Variants in SLC1A6 observed in about 807,000 individuals in gnomAD.
SLC1A6 encodes solute carrier family 1 member 6, also known as excitatory amino acid transporter 4.
SLC1A6 carries 15 observed loss-of-function variants against 42.1 expected under a neutral mutation model. The observed-to-expected ratio is 0.36, with a 90% CI of 0.24 to 0.55. The LOEUF (loss-of-function observed/expected upper bound fraction) is 0.55. SLC1A6 is among the 20% of genes least tolerant of loss of function. SLC1A6 has a pLI of 0.88. For missense variants in SLC1A6, 542 were observed against 772.5 expected (o/e 0.70, Z 3.54); for synonymous variants, 317 against 319.7 (o/e 0.99, Z 0.09).
At chr19:14,965,628 T>A (rs1485233525) in intron 4 of SLC1A6, among the ~76,000 whole-genome samples, 1 of 152,068 alleles carries the variant, frequency 6.6e-6, no homozygotes, top group Non-Finnish European at 1.5e-5. Context: ...GATGAGTGGA[T>A]CACTCGAGGC....
At chr19:14,999,246 T>C (rs1010526513) in intron 1 of SLC1A6, among the ~76,000 whole-genome samples, 2 of 152,176 alleles carry the variant, frequency 1.3e-5, no homozygotes, top group Non-Finnish European at 2.9e-5. Context: ...AATAAGAACC[T>C]TGGTCTCCAC....
intron 8 of SLC1A6, among the ~76,000 whole-genome samples, 152 bp downstream of exon 8, chr19:14,953,982 TC>T (rs2145165203): frequency 6.6e-6 from 1 of 152,248 alleles, no homozygotes; most frequent in Admixed American, 6.5e-5. Context: ...ACCTACCTCA[TC>T]CGGCATTGGG....
At chr19:14,994,303 C>T (rs1249725888) in intron 1 of SLC1A6, among the ~76,000 whole-genome samples, 1 of 151,980 alleles carries the variant, frequency 6.6e-6, no homozygotes, top group Non-Finnish European at 1.5e-5. Context: ...CTCCCTGCAT[C>T]CCCCCTGCAG....
At chr19:14,983,467 C>G (rs374590018), upstream of SLC1A6, among the ~76,000 whole-genome samples, 62 of 152,034 alleles carry the variant, frequency 4.1e-4, no homozygotes, top group East Asian at 3.5e-3. Context: ...AGGAGGATTA[C>G]TTGAGCCCAG....
chr19:14,951,477 A>T (rs1355472803), intron 9 of SLC1A6, among the ~76,000 whole-genome samples: 5 of 150,824 alleles, frequency 3.3e-5, no homozygotes, highest in Non-Finnish European at 2.9e-5. Context: ...GCTTCCTTTA[A>T]TGTAAACCTC....
upstream of SLC1A6, among the ~76,000 whole-genome samples, chr19:14,981,669 G>A (rs80043758): frequency 0.08 from 12,127 of 152,224 alleles, 663 homozygotes; most frequent in East Asian, 0.23. Context: ...GGTCTGTCAC[G>A]CAAAATAATA....
At position 14,964,304 on chromosome 19, in the gene SLC1A6, G is replaced by A. The variant is rs1412520244; in HGVS notation, c.591+15C>T. The A allele has an allele frequency of 3.7e-6, 6 of 1,611,346 alleles. No homozygotes were observed. Among genetic ancestry groups the A allele is most frequent in the Non-Finnish European group, 5.1e-6 (6 of 1,177,720 alleles). On this transcript the variant is annotated intron_variant, in intron 5 of 9. Coordinates refer to ENST00000594383, the MANE Select transcript of SLC1A6 (RefSeq NM_005071.3). ...CTCCGAATCTCCTTGATCAAACTGT[G>A]TACTTCCCCCTGACCTGTTTGAAGC...
intron 6 of SLC1A6, 133 bp downstream of exon 6, chr19:14,961,869 G>C: frequency 7.7e-7 from 1 of 1,295,308 alleles, no homozygotes; most frequent in Non-Finnish European, 1.0e-6. Context: ...GAATGAGTTG[G>C]TGAGTGGGTA....
chr19:14,971,866 G>A lies in SLC1A6; in HGVS notation c.214C>T (p.Leu72=). ...TVSAVVIGVS[L]AFALRPYQLT... The stretch of plus-strand genomic sequence containing the variant: ...TGATATGGGCGCAGGGCAAAGGCCA[G>A]GCTGACCCCTAGGGCCAAAAGAAGG... Residue 72 remains leucine, a synonymous_variant, in exon 3 of 10, where the codon CTG becomes TTG. Transcript: ENST00000594383. The A allele has an allele frequency of 1.2e-6, 2 of 1,614,146 alleles. No individual in the cohort carries two copies. The highest frequency in any genetic ancestry group is 2.2e-5 in the South Asian group (2 of 91,086).
chr19:14,999,124 T>C (rs1168819793), intron 1 of SLC1A6, among the ~76,000 whole-genome samples: 1 of 152,080 alleles, frequency 6.6e-6, no homozygotes, highest in African/African-American at 2.4e-5. Context: ...GTGATTCACC[T>C]GCCTCAGCCT....
At chr19:15,010,498 A>G (rs1259660857) in exon 1 of SLC1A6, 2 of 563,496 alleles carry the variant, frequency 3.5e-6, no homozygotes, top group Admixed American at 2.2e-5. Flanking sequence ...CATGCGACAG[A>G]GTGTGACCTG....
chr19:14,996,546 C>CTTCTTCTTCTTCTTCTTA (rs1568301025), intron 1 of SLC1A6, among the ~76,000 whole-genome samples: 1 of 144,874 alleles, frequency 6.9e-6, no homozygotes, highest in Non-Finnish European at 1.5e-5. Flanking sequence ...TCTTCTTCTT[C>CTTCTTCTTCTTCTTCTTA]TTCTTCTTCT....
intron 1 of SLC1A6, among the ~76,000 whole-genome samples, chr19:14,995,335 AAAAAAAAAAG>A (rs1290192878): frequency 1.5e-4 from 14 of 95,644 alleles, no homozygotes; most frequent in Non-Finnish European, 3.0e-4. Flanking sequence ...CCAAAAAAAA[AAAAAAAAAAG>A]AAAGAAAGAA....
intron 4 of SLC1A6, among the ~76,000 whole-genome samples, chr19:14,968,011 T>A (rs1268265156): frequency 6.6e-6 from 1 of 152,202 alleles, no homozygotes; most frequent in African/African-American, 2.4e-5. Context: ...CACCCCAAAG[T>A]GGACATGGGG....
At chr19:14,984,276 T>G (rs1203798306), upstream of SLC1A6, among the ~76,000 whole-genome samples, 2 of 152,116 alleles carry the variant, frequency 1.3e-5, no homozygotes, top group East Asian at 3.9e-4. Context: ...ACCATTGTGG[T>G]GAGCCGAGAT....
At chr19:14,971,921 G>A (rs370508685) in intron 2 of SLC1A6, 47 bp from the exon 3 acceptor site, 1 of 1,604,536 alleles carries the variant, frequency 6.2e-7, no homozygotes. Flanking sequence ...GGGTCGCTCA[G>A]CCCCAGGCAG....
chr19:14,950,928 G>A (rs2045404740), intron 9 of SLC1A6, among the ~76,000 whole-genome samples: 1 of 136,944 alleles, frequency 7.3e-6, no homozygotes, highest in African/African-American at 2.8e-5. Flanking sequence ...CTAGATGACA[G>A]AACAAGACCC....
intron 1 of SLC1A6, among the ~76,000 whole-genome samples, chr19:14,989,740 TGA>T (rs2045809860): frequency 1.2e-5 from 1 of 81,924 alleles, no homozygotes; most frequent in South Asian, 4.7e-4. Context: ...TTTGGGAGGC[TGA>T]GTGGGGTGGC....
At chr19:14,962,988 G>A (rs895309377) in intron 5 of SLC1A6, among the ~76,000 whole-genome samples, 3 of 152,142 alleles carry the variant, frequency 2.0e-5, no homozygotes. Context: ...GTATCTCAAA[G>A]AGATATCTGC....
Sources: allele counts gnomAD v4.1 joint callset (sites outside exome capture counted in the v4.1 genomes callset), GRCh38; gene constraint gnomAD v4.1.1; transcripts MANE v1.5; gene names NCBI Gene and HGNC (gene_info 2026-07-23, HGNC 2026-07-21).